KCND2: variants seen among roughly 807,000 people sequenced by gnomAD.
KCND2 encodes the protein A-type voltage-gated potassium channel KCND2.
In KCND2, 16 loss-of-function variants were observed where a neutral mutation model predicts 54.4. The ratio of observed to expected loss-of-function variants is 0.29; its 90% CI spans 0.20 to 0.45. The LOEUF is 0.45. Ranked by LOEUF, KCND2 falls within the 20% of genes least tolerant of loss-of-function variation. The pLI, the probability that KCND2 is intolerant of heterozygous loss-of-function variation, is 1.00. For synonymous variants in KCND2, 317 were observed against 310.7 expected, an observed-to-expected ratio of 1.02 and a Z score of -0.21; for missense variants, 486 against 824.2, an observed-to-expected ratio of 0.59 and a Z score of 5.02.
chr7:120,689,567 G>T (rs768171900), intron 1 of KCND2, among the ~76,000 whole-genome samples: 14 of 152,074 alleles, frequency 9.2e-5, no homozygotes, highest in South Asian at 2.1e-4. Context: ...AATGCAGGTT[G>T]TCCTTTATTT....
At chr7:120,697,591 A>G (rs1217834378) in intron 1 of KCND2, among the ~76,000 whole-genome samples, 1 of 152,236 alleles carries the variant, frequency 6.6e-6, no homozygotes, top group Non-Finnish European at 1.5e-5. Context: ...GAGAAATTAC[A>G]TAAAAACATG....
chr7:120,450,686 A>G (rs546560868), intron 1 of KCND2, among the ~76,000 whole-genome samples: 1 of 152,344 alleles, frequency 6.6e-6, no homozygotes, highest in African/African-American at 2.4e-5. Flanking sequence ...CAAAGGAAAT[A>G]CAATTTGGCC....
At chr7:120,503,796 G>T (rs1019385308) in intron 1 of KCND2, among the ~76,000 whole-genome samples, 3 of 151,966 alleles carry the variant, frequency 2.0e-5, no homozygotes, top group Admixed American at 2.0e-4. Context: ...ATTCAATTTG[G>T]GGGGAGTCAC....
intron 1 of KCND2, among the ~76,000 whole-genome samples, chr7:120,578,847 A>G (rs974155698): frequency 2.0e-5 from 3 of 152,018 alleles, no homozygotes; most frequent in Non-Finnish European, 2.9e-5. Flanking sequence ...CCTGAGCGAC[A>G]GGGTGAGACT....
chr7:120,313,260 T>A (rs771711997), intron 1 of KCND2, among the ~76,000 whole-genome samples: 45 of 152,182 alleles, frequency 3.0e-4, no homozygotes, highest in Non-Finnish European at 2.9e-4. Context: ...ACTGGGAAAT[T>A]TATCTTAAAC....
At chr7:120,384,025 C>A (rs1162510616) in intron 1 of KCND2, among the ~76,000 whole-genome samples, 1 of 152,068 alleles carries the variant, frequency 6.6e-6, no homozygotes, top group Non-Finnish European at 1.5e-5. Flanking sequence ...ATAACAAAAT[C>A]TGTGAGTGCT....
intron 1 of KCND2, among the ~76,000 whole-genome samples, chr7:120,323,669 G>A (rs1236917183): frequency 5.0e-5 from 7 of 140,532 alleles, no homozygotes; most frequent in Non-Finnish European, 1.1e-4. Context: ...TGGTGTATAT[G>A]TGCCACATTT....
chr7:120,743,454 T>C (rs1357737181), intron 4 of KCND2, among the ~76,000 whole-genome samples: 1 of 152,192 alleles, frequency 6.6e-6, no homozygotes, highest in Non-Finnish European at 1.5e-5. Context: ...AGGTGTGGCC[T>C]CTGCTACCAT....
At chr7:120,553,169 CAG>C (rs1159309381) in intron 1 of KCND2, among the ~76,000 whole-genome samples, 1 of 152,174 alleles carries the variant, frequency 6.6e-6, no homozygotes, top group Non-Finnish European at 1.5e-5. Context: ...TCCTCCCGTT[CAG>C]ATCTTGGCAA....
intron 1 of KCND2, among the ~76,000 whole-genome samples, chr7:120,418,399 A>C (rs565364697): frequency 6.6e-6 from 1 of 152,336 alleles, no homozygotes; most frequent in Non-Finnish European, 1.5e-5. Context: ...GAAATACAAA[A>C]AAAAAGAAAA....
At chr7:120,351,777 T>C (rs911456926) in intron 1 of KCND2, among the ~76,000 whole-genome samples, 6 of 152,080 alleles carry the variant, frequency 3.9e-5, no homozygotes, top group South Asian at 4.2e-4. Flanking sequence ...TGCTATTTTC[T>C]TTTCTTTTCT....
In KCND2 at chr7:120,450,183, C is replaced by T. The variant is rs566320760; in HGVS notation, c.1115+174436C>T. ...ATCCCAGCACTTTTTGAGGCCGAGG[C>T]GGGTGGATCATGAGGTCAAGAGATC... On this transcript the variant is annotated intron_variant, in intron 1 of 5. Transcript: ENST00000331113. Among the ~76,000 whole-genome samples, 5 of 152,132 alleles carry T rather than the reference C, an allele frequency of 3.3e-5. No individual in the cohort carries two copies. The South Asian group carries it at 6.2e-4, about 19-fold the overall frequency.
intron 3 of KCND2, among the ~76,000 whole-genome samples, chr7:120,742,150 A>G (rs1217505283): frequency 6.6e-6 from 1 of 152,170 alleles, no homozygotes; most frequent in African/African-American, 2.4e-5. Flanking sequence ...TACTTACAAA[A>G]TAGCTTTTAT....
chr7:120,670,921 A>C (rs1348846104), intron 1 of KCND2, among the ~76,000 whole-genome samples: 1 of 151,778 alleles, frequency 6.6e-6, no homozygotes, highest in Non-Finnish European at 1.5e-5. Flanking sequence ...GTCTCAAAAA[A>C]AAAAAAAAAG....
chr7:120,424,304 A>C (rs1801669571), intron 1 of KCND2, among the ~76,000 whole-genome samples: 1 of 152,206 alleles, frequency 6.6e-6, no homozygotes, highest in African/African-American at 2.4e-5. Context: ...CAAAATGTAG[A>C]TAATATTTAC....
intron 1 of KCND2, among the ~76,000 whole-genome samples, chr7:120,580,166 A>G (rs1315135216): frequency 6.6e-6 from 1 of 152,206 alleles, no homozygotes; most frequent in Admixed American, 6.5e-5. Context: ...TTACTCTTTA[A>G]GATTTGTCAT....
intron 1 of KCND2, among the ~76,000 whole-genome samples, chr7:120,617,364 A>C (rs1793039563): frequency 6.6e-6 from 1 of 152,206 alleles, no homozygotes. Flanking sequence ...GAAGACATAC[A>C]CACAGCCAGC....
intron 1 of KCND2, among the ~76,000 whole-genome samples, chr7:120,551,959 C>G (rs1792109820): frequency 6.6e-6 from 1 of 152,140 alleles, no homozygotes; most frequent in South Asian, 2.1e-4. Context: ...CTTGTTGTTG[C>G]AATGCATTTC....
intron 1 of KCND2, among the ~76,000 whole-genome samples, chr7:120,619,031 T>A (rs1277290343): frequency 6.6e-6 from 1 of 152,206 alleles, no homozygotes; most frequent in Non-Finnish European, 1.5e-5. Flanking sequence ...TGCAAATCAT[T>A]ATTTATTTAC....
Sources: gnomAD v4.1 joint callset for allele counts (sites outside exome capture counted in the v4.1 genomes callset) on GRCh38, gnomAD v4.1.1 for gene constraint, MANE v1.5 for transcripts, NCBI Gene and HGNC (gene_info 2026-07-23, HGNC 2026-07-21) for gene names.